Variants in SHISA9 observed in about 807,000 individuals in gnomAD.
SHISA9 encodes protein shisa-9.
In SHISA9, 13 loss-of-function variants were observed where a neutral mutation model predicts 38.0. That is an observed-to-expected ratio of 0.34 (90% confidence interval 0.22 to 0.54). The LOEUF is 0.54. SHISA9 is among the 20% of genes least tolerant of loss of function. The probability of loss-of-function intolerance (pLI) is 0.91; values close to 1 mark genes in which losing one functional copy is unlikely to be tolerated. For missense variants in SHISA9, 538 were observed against 575.8 expected, an observed-to-expected ratio of 0.93 and a Z score of 0.67; for synonymous variants, 275 against 242.0, an observed-to-expected ratio of 1.14 and a Z score of -1.27.
intron 1 of SHISA9, chr16:12,909,169 A>T (rs1445384992): frequency 2.0e-6 from 2 of 985,898 alleles, no homozygotes; most frequent in African/African-American, 1.7e-5. Flanking sequence ...TTTGCAGGGT[A>T]TGTTGACTTC....
chr16:13,424,370 C>G, the SHISA9 span, among the ~76,000 whole-genome samples: 1 of 152,248 alleles, frequency 6.6e-6, no homozygotes, highest in Non-Finnish European at 1.5e-5. Flanking sequence ...TTCTTGGCCA[C>G]TTCTGGCCTT....
chr16:12,962,981 A>G (rs973400823), intron 2 of SHISA9, among the ~76,000 whole-genome samples: 4 of 151,954 alleles, frequency 2.6e-5, no homozygotes, highest in Admixed American at 6.6e-5. Flanking sequence ...AGGGAGCACA[A>G]TTTCTGTTGC....
At chr16:13,518,073 G>A in the SHISA9 span, among the ~76,000 whole-genome samples, 1 of 152,140 alleles carries the variant, frequency 6.6e-6, no homozygotes, top group Non-Finnish European at 1.5e-5. Context: ...GCCCAGTCAG[G>A]ACCTGTGATA....
the SHISA9 span, among the ~76,000 whole-genome samples, chr16:13,392,085 G>GT: frequency 6.6e-6 from 1 of 152,098 alleles, no homozygotes; most frequent in Non-Finnish European, 1.5e-5. Context: ...TTCCTACCTG[G>GT]TTTTTTCCTG....
At chr16:13,382,991 T>C in the SHISA9 span, among the ~76,000 whole-genome samples, 38 of 152,214 alleles carry the variant, frequency 2.5e-4, no homozygotes, top group Non-Finnish European at 4.3e-4. Flanking sequence ...CAGCAGTCAC[T>C]AAGTGTTCGT....
intron 1 of SHISA9, among the ~76,000 whole-genome samples, chr16:12,911,895 T>C (rs1252058581): frequency 6.6e-6 from 1 of 152,248 alleles, no homozygotes; most frequent in African/African-American, 2.4e-5. Context: ...GCAAGAGTAA[T>C]TGCAGTTTTT....
the SHISA9 span, among the ~76,000 whole-genome samples, chr16:13,529,636 G>C: frequency 1.3e-5 from 2 of 152,142 alleles, no homozygotes; most frequent in East Asian, 3.9e-4. Flanking sequence ...ACGCATATTG[G>C]CTCAGAATAA....
At chr16:13,061,801 C>T (rs751557034) in intron 2 of SHISA9, among the ~76,000 whole-genome samples, 9 of 152,070 alleles carry the variant, frequency 5.9e-5, no homozygotes, top group African/African-American at 9.7e-5. Context: ...AAACGGGATA[C>T]GAAGTGATGG....
At chr16:13,000,251 C>A (rs2072507192) in intron 2 of SHISA9, among the ~76,000 whole-genome samples, 1 of 151,948 alleles carries the variant, frequency 6.6e-6, no homozygotes, top group Non-Finnish European at 1.5e-5. Flanking sequence ...TTCCCCATCT[C>A]TAAAATGGGA....
intron 2 of SHISA9, among the ~76,000 whole-genome samples, chr16:13,025,997 G>T (rs1318751100): frequency 6.6e-6 from 1 of 152,084 alleles, no homozygotes; most frequent in Non-Finnish European, 1.5e-5. Flanking sequence ...TAGAAACAGG[G>T]TTTCTCCATG....
At chr16:13,196,396 C>CAAAAAAA (rs372256944) in intron 2 of SHISA9, among the ~76,000 whole-genome samples, 2 of 101,384 alleles carry the variant, frequency 2.0e-5, no homozygotes, top group East Asian at 2.9e-4. Flanking sequence ...GACTCCGTCT[C>CAAAAAAA]AAAAAAAAAA....
At chr16:13,396,166 T>A in the SHISA9 span, among the ~76,000 whole-genome samples, 16 of 152,184 alleles carry the variant, frequency 1.1e-4, no homozygotes, top group Non-Finnish European at 2.4e-4. Flanking sequence ...AACTCTACAG[T>A]ACCTGAATCT....
chr16:12,963,338 C>T (rs2071935530), intron 2 of SHISA9, among the ~76,000 whole-genome samples: 1 of 152,140 alleles, frequency 6.6e-6, no homozygotes, highest in Admixed American at 6.6e-5. Context: ...CCAAGAAAAG[C>T]TGGGGGCTGG....
chr16:13,365,489 G>C, the SHISA9 span, among the ~76,000 whole-genome samples: 1,121 of 126,922 alleles, frequency 8.8e-3, 19 homozygotes, highest in African/African-American at 0.033. Flanking sequence ...CAGAGTCTCA[G>C]TCTGTTACCT....
At chr16:13,556,932 C>T in the SHISA9 span, among the ~76,000 whole-genome samples, 4 of 152,070 alleles carry the variant, frequency 2.6e-5, no homozygotes, top group Non-Finnish European at 5.9e-5. Context: ...AAGACGATGT[C>T]ATTTTATATA....
chr16:12,933,486 G>T (rs988657350), intron 2 of SHISA9, among the ~76,000 whole-genome samples: 1 of 152,106 alleles, frequency 6.6e-6, no homozygotes, highest in Non-Finnish European at 1.5e-5. Flanking sequence ...GTAGGATGGG[G>T]TTTCTCTGTG....
At chr16:13,143,501 G>A (rs1482182712) in intron 2 of SHISA9, among the ~76,000 whole-genome samples, 2 of 152,292 alleles carry the variant, frequency 1.3e-5, no homozygotes, top group East Asian at 3.9e-4. Context: ...AGCTGCATGG[G>A]TCCCCTATGG....
chr16:13,310,305 T>G, the SHISA9 span, among the ~76,000 whole-genome samples: 4 of 152,212 alleles, frequency 2.6e-5, no homozygotes, highest in African/African-American at 9.7e-5. Context: ...AAAGCTGCTT[T>G]TTTTTTTCTA....
chr16:13,263,703 T>C, the SHISA9 span, among the ~76,000 whole-genome samples: 1 of 152,174 alleles, frequency 6.6e-6, no homozygotes, highest in South Asian at 2.1e-4. Context: ...GACATATAAT[T>C]CCTACATGAC....
Sources: gnomAD v4.1 joint callset for allele counts (sites outside exome capture counted in the v4.1 genomes callset) on GRCh38, gnomAD v4.1.1 for gene constraint, MANE v1.5 for transcripts, NCBI Gene and HGNC (gene_info 2026-07-23, HGNC 2026-07-21) for gene names.